ZPBP: variants seen among roughly 807,000 people sequenced by gnomAD.
ZPBP encodes zona pellucida binding protein.
In ZPBP, 26 loss-of-function variants were observed where a neutral mutation model predicts 44.8. That is an observed-to-expected ratio of 0.58 (90% CI 0.43 to 0.81). ZPBP has a LOEUF of 0.81. Among genes scored for constraint, ZPBP ranks in the 30% least tolerant of loss-of-function variants. ZPBP has a pLI of 0.00. For synonymous variants in ZPBP, 174 were observed against 153.2 expected, an observed-to-expected ratio of 1.14 and a Z score of -1.00; for missense variants, 409 against 434.0, an observed-to-expected ratio of 0.94 and a Z score of 0.51.
Position 50,040,474 on chromosome 7 carries a change from T to C in ZPBP, c.488-9164A>G, listed in dbSNP as rs554916746. On this transcript the variant is annotated intron_variant, in intron 4 of 7. Coordinates refer to ENST00000046087, the MANE Select transcript of ZPBP (RefSeq NM_007009.3). ...TTCCAACTGAGGTACCTGGTTCATC[T>C]CATTGGGACTGGTTAGGCAGTGAAT... Among the ~76,000 whole-genome samples the C allele has an allele frequency of 5.3e-5, 8 of 152,230 alleles. No homozygotes were observed. The South Asian group carries it at 1.7e-3, about 32-fold the overall frequency.
intron 4 of ZPBP, among the ~76,000 whole-genome samples, chr7:50,054,412 T>A (rs1355678335): frequency 6.6e-6 from 1 of 152,062 alleles, no homozygotes. Flanking sequence ...GAAAGGAAGA[T>A]GACAGTGGAA....
intron 6 of ZPBP, among the ~76,000 whole-genome samples, chr7:50,002,482 C>T (rs1342573980): frequency 6.6e-6 from 1 of 152,082 alleles, no homozygotes; most frequent in Non-Finnish European, 1.5e-5. Context: ...TCAACCTCCC[C>T]AAGGTGCTTA....
At chr7:50,003,620 T>C (rs1243083249) in intron 6 of ZPBP, among the ~76,000 whole-genome samples, 1 of 151,950 alleles carries the variant, frequency 6.6e-6, no homozygotes, top group Admixed American at 6.6e-5. Context: ...GGATACCAGA[T>C]TGGAGGCCAC....
At chr7:50,004,000 G>GAAT (rs1489325561) in intron 6 of ZPBP, among the ~76,000 whole-genome samples, 1 of 152,100 alleles carries the variant, frequency 6.6e-6, no homozygotes, top group East Asian at 1.9e-4. Flanking sequence ...AACAAAATTA[G>GAAT]AATAATAATA....
chr7:49,906,369 C>T (rs943817644), intron 1 of ZPBP, among the ~76,000 whole-genome samples: 1 of 152,146 alleles, frequency 6.6e-6, no homozygotes, highest in African/African-American at 2.4e-5. Flanking sequence ...GAGTCTTGCT[C>T]TGTCGCCCAG....
At chr7:50,067,321 T>A (rs977017704) in intron 3 of ZPBP, among the ~76,000 whole-genome samples, 1 of 152,206 alleles carries the variant, frequency 6.6e-6, no homozygotes, top group Non-Finnish European at 1.5e-5. Context: ...TACTTTATTT[T>A]TTTACTTCCA....
At position 50,074,335 on chromosome 7, in the gene ZPBP, G is replaced by A. The variant is rs548773581; in HGVS notation, c.334+7439C>T. Reference sequence around the variant, plus strand: ...CTAAATCATATCATCAGAGAAAATCGCCTTCACTACTGGAAGACAGAAAGG... The same window carrying A: ...CTAAATCATATCATCAGAGAAAATCACCTTCACTACTGGAAGACAGAAAGG... On this transcript the variant is annotated intron_variant, in intron 3 of 7. Coordinates refer to ENST00000046087, the MANE Select transcript of ZPBP (RefSeq NM_007009.3). Among the ~76,000 whole-genome samples the A allele has an allele frequency of 5.7e-4, 86 of 151,874 alleles. 1 individual carries two copies. The highest frequency in any genetic ancestry group is 1.6e-3 in the African/African-American group (67 of 41,484).
chr7:50,021,394 T>G (rs1351801270), intron 5 of ZPBP, among the ~76,000 whole-genome samples: 1 of 151,926 alleles, frequency 6.6e-6, no homozygotes, highest in African/African-American at 2.4e-5. Context: ...AATGAGGAAT[T>G]CACTAAACAT....
At chr7:50,034,749 T>C (rs1468840773) in intron 4 of ZPBP, among the ~76,000 whole-genome samples, 2 of 152,220 alleles carry the variant, frequency 1.3e-5, no homozygotes, top group African/African-American at 4.8e-5. Flanking sequence ...CAATAAGATA[T>C]GGAATCCAAA....
chr7:49,939,157 C>T (rs915185238), intron 7 of ZPBP, among the ~76,000 whole-genome samples: 8 of 152,104 alleles, frequency 5.3e-5, no homozygotes, highest in African/African-American at 1.9e-4. Flanking sequence ...TCAAAGCACA[C>T]CTTAATATTT....
chr7:49,928,921 A>C (rs1199710833), intron 1 of ZPBP, among the ~76,000 whole-genome samples: 1 of 152,224 alleles, frequency 6.6e-6, no homozygotes, highest in African/African-American at 2.4e-5. Flanking sequence ...GCTTTCTCTA[A>C]CATCCCAAAG....
intron 2 of ZPBP, among the ~76,000 whole-genome samples, chr7:49,893,241 G>T (rs1353537831): frequency 6.6e-6 from 1 of 152,108 alleles, no homozygotes; most frequent in Admixed American, 6.6e-5. Flanking sequence ...AAGGAGTTAT[G>T]CACTAGGTTC....
chr7:50,015,287 G>A (rs1798772527), intron 6 of ZPBP, among the ~76,000 whole-genome samples: 1 of 152,026 alleles, frequency 6.6e-6, no homozygotes, highest in African/African-American at 2.4e-5. Context: ...CAGACCTCTT[G>A]TACTCAAAGC....
chr7:50,081,962 T>C, intron 2 of ZPBP, 63 bp from the exon 3 acceptor site: 2 of 1,571,288 alleles, frequency 1.3e-6, no homozygotes, highest in African/African-American at 1.4e-5. Context: ...CTCTATAATG[T>C]ACACTTTTGT....
chr7:50,053,168 A>C (rs1001502917), intron 4 of ZPBP, among the ~76,000 whole-genome samples: 11 of 152,168 alleles, frequency 7.2e-5, no homozygotes, highest in Non-Finnish European at 1.6e-4. Context: ...AGATATTACA[A>C]TTTGGGGAGG....
chr7:49,932,371 A>G (rs1794478272), intron 1 of ZPBP, among the ~76,000 whole-genome samples: 1 of 152,154 alleles, frequency 6.6e-6, no homozygotes, highest in African/African-American at 2.4e-5. Context: ...GTGGGAACCC[A>G]CCTCTTGCAT....
chr7:49,898,641 AT>A (rs1792527962), intron 2 of ZPBP, among the ~76,000 whole-genome samples: 2 of 152,100 alleles, frequency 1.3e-5, no homozygotes, highest in Admixed American at 6.5e-5. Flanking sequence ...TATATGTAAA[AT>A]ATACATAACC....
At chr7:49,973,807 T>G (rs1796393599) in intron 7 of ZPBP, among the ~76,000 whole-genome samples, 1 of 152,124 alleles carries the variant, frequency 6.6e-6, no homozygotes, top group Admixed American at 6.5e-5. Context: ...ATTCAGTAAT[T>G]CCACTCCTAG....
At chr7:50,008,698 A>G (rs532591490) in intron 6 of ZPBP, among the ~76,000 whole-genome samples, 29 of 152,222 alleles carry the variant, frequency 1.9e-4, no homozygotes, top group African/African-American at 7.0e-4. Context: ...GAATACAGAA[A>G]CCAGAAATAA....
Sources: allele counts gnomAD v4.1 joint callset (sites outside exome capture counted in the v4.1 genomes callset), GRCh38; gene constraint gnomAD v4.1.1; transcripts MANE v1.5; gene names NCBI Gene and HGNC (gene_info 2026-07-23, HGNC 2026-07-21).